The following DPYD variants were observed in gnomAD, a reference collection of about 807,000 sequenced individuals.
The protein encoded by DPYD is dihydropyrimidine dehydrogenase, also known as dihydropyrimidine dehydrogenase [NADP(+)].
Under a neutral mutation model 116.2 loss-of-function variants are expected in DPYD, and 109 were observed. The observed-to-expected ratio is 0.94, with a 90% confidence interval of 0.80 to 1.10. The LOEUF is 1.10. Ranked by LOEUF, DPYD falls within the 50% of genes least tolerant of loss-of-function variation. The pLI, the probability that DPYD is intolerant of heterozygous loss-of-function variation, is 0.00. For synonymous variants in DPYD, 440 were observed against 432.0 expected, an observed-to-expected ratio of 1.02 and a Z score of -0.23; for missense variants, 1,302 against 1,254.5, an observed-to-expected ratio of 1.04 and a Z score of -0.57.
intron 3 of DPYD, among the ~76,000 whole-genome samples, chr1:97,755,483 T>A (rs143671599): frequency 6.6e-6 from 1 of 152,160 alleles, no homozygotes; most frequent in Non-Finnish European, 1.5e-5. Flanking sequence ...CATGTAAGCA[T>A]GTTTTGTCTC....
intron 12 of DPYD, among the ~76,000 whole-genome samples, chr1:97,526,519 T>G (rs1649110793): frequency 6.6e-6 from 1 of 152,168 alleles, no homozygotes; most frequent in South Asian, 2.1e-4. Flanking sequence ...TTTAAAAATA[T>G]TTTAAAAATC....
chr1:97,403,019 T>C (rs1350112648), intron 14 of DPYD, among the ~76,000 whole-genome samples: 1 of 152,094 alleles, frequency 6.6e-6, no homozygotes, highest in Non-Finnish European at 1.5e-5. Context: ...TTGCTAATAT[T>C]TTGTTGAGCA....
At chr1:97,787,684 C>T (rs921941060) in intron 3 of DPYD, among the ~76,000 whole-genome samples, 4 of 152,082 alleles carry the variant, frequency 2.6e-5, no homozygotes, top group Non-Finnish European at 5.9e-5. Flanking sequence ...TCTGAACAAA[C>T]AGAAGTTCCG....
chr1:97,125,729 C>A (rs183871109), intron 20 of DPYD, among the ~76,000 whole-genome samples: 2 of 152,132 alleles, frequency 1.3e-5, no homozygotes, highest in African/African-American at 2.4e-5. Flanking sequence ...CTTAGAAAGA[C>A]CCCTTCCTCT....
At position 97,921,000 on chromosome 1, in the gene DPYD, C is replaced by G; in HGVS notation, c.-78G>C. On this transcript the variant is annotated 5_prime_UTR_variant, in exon 1 of 23. Coordinates refer to ENST00000370192, the MANE Select transcript of DPYD (RefSeq NM_000110.4). ...AAGCTCCAGCCAGAGAGCCAAGTGA[C>G]AGCAGCCGGAGCGCGAGTCGAAAAC... 1 of 1,533,076 alleles carries G rather than the reference C, an allele frequency of 6.5e-7. No homozygotes were observed. Among genetic ancestry groups the G allele is most frequent in the Non-Finnish European group, 8.8e-7 (1 of 1,131,228 alleles). The allele number at this position is 1,533,076 out of a possible 1,614,324, so 95.0% of individuals were successfully genotyped here. A position where few individuals can be genotyped will look rare whatever the true frequency, so the allele number is the denominator to read the frequency against.
At chr1:97,865,372 G>A (rs1671325591) in intron 2 of DPYD, among the ~76,000 whole-genome samples, 2 of 151,728 alleles carry the variant, frequency 1.3e-5, no homozygotes, top group African/African-American at 4.8e-5. Context: ...AATATCTCTG[G>A]GGATATTTGA....
intron 14 of DPYD, among the ~76,000 whole-genome samples, chr1:97,419,166 C>A (rs1674443999): frequency 6.6e-6 from 1 of 152,204 alleles, no homozygotes. Context: ...CTTCCCAAAT[C>A]TCTACCTCCT....
chr1:97,771,343 C>T (rs77353809), intron 3 of DPYD, among the ~76,000 whole-genome samples: 2,709 of 152,234 alleles, frequency 0.018, 85 homozygotes, highest in African/African-American at 0.062. Flanking sequence ...GCGGCTGCAT[C>T]AACTTCAATG....
intron 3 of DPYD, among the ~76,000 whole-genome samples, chr1:97,789,297 G>A (rs1557962967): frequency 6.6e-6 from 1 of 152,120 alleles, no homozygotes; most frequent in African/African-American, 2.4e-5. Flanking sequence ...ACATATTTCA[G>A]AAGCAAATAT....
chr1:97,695,043 G>T (rs1661217920), intron 6 of DPYD, among the ~76,000 whole-genome samples: 1 of 152,132 alleles, frequency 6.6e-6, no homozygotes, highest in Non-Finnish European at 1.5e-5. Context: ...TTCAGCTACA[G>T]GCATTCCTCA....
intron 14 of DPYD, among the ~76,000 whole-genome samples, chr1:97,393,667 C>A (rs9725886): frequency 0.19 from 29,113 of 151,896 alleles, 2,950 homozygotes; most frequent in South Asian, 0.38. Flanking sequence ...TGTATATGTT[C>A]CACATTTTCT....
intron 8 of DPYD, among the ~76,000 whole-genome samples, chr1:97,643,458 G>A (rs1408856418): frequency 6.6e-6 from 1 of 152,152 alleles, no homozygotes; most frequent in Non-Finnish European, 1.5e-5. Context: ...AGGATGTGGA[G>A]AAATAGGAAC....
Position 97,421,931 on chromosome 1 carries a change from C to T in DPYD, c.1905+28128G>A, listed in dbSNP as rs144033363. 2.0e-5 allele frequency among the ~76,000 whole-genome samples: 3 copies of T among 152,234 alleles called. No homozygotes were observed. In the East Asian group the frequency reaches 5.8e-4, roughly 29 times the overall value. On this transcript the variant is annotated intron_variant, in intron 14 of 22. Coordinates refer to ENST00000370192, the MANE Select transcript of DPYD (RefSeq NM_000110.4). Reference sequence around the variant, plus strand: ...GTGAAATAGTCAGGCATATAAAGCGCTAGCCCCTGAGGATGGGAGCACAGA... The same window carrying T: ...GTGAAATAGTCAGGCATATAAAGCGTTAGCCCCTGAGGATGGGAGCACAGA...
At chr1:97,483,660 A>T (rs556081540) in intron 13 of DPYD, among the ~76,000 whole-genome samples, 12 of 152,136 alleles carry the variant, frequency 7.9e-5, no homozygotes, top group Admixed American at 6.5e-5. Context: ...AAAAAAATTT[A>T]AAAAAAGAGA....
chr1:97,485,163 T>C (rs1678549254), intron 13 of DPYD, among the ~76,000 whole-genome samples: 1 of 152,138 alleles, frequency 6.6e-6, no homozygotes, highest in Non-Finnish European at 1.5e-5. Context: ...GGATCTTCCC[T>C]ATTTTGTTTA....
chr1:97,567,348 C>T (rs957930993), intron 11 of DPYD, among the ~76,000 whole-genome samples: 2 of 152,048 alleles, frequency 1.3e-5, no homozygotes, highest in African/African-American at 2.4e-5. Context: ...CAAACACTCC[C>T]TTATGGAACT....
rs2102182233 is a variant in DPYD at position 97,573,771 on chromosome 1, C to T, written c.1328G>A (p.Ser443Asn). The change falls in exon 11 of 23, where the codon AGT becomes AAT. Residue 443 changes from serine to asparagine, a missense_variant. By Grantham distance (46) the Ser-to-Asn change is conservative (BLOSUM62 1). Transcript: ENST00000370192. ...TCCCAGCACTGTACCTTTAGGATCA[C>T]TCAGAACTGAACCAAAGGCACTGAT... ...VVISAFGSVLSDPKVKEALSP... is the reference protein window; with the variant it reads ...VVISAFGSVLNDPKVKEALSP... 1.9e-6 allele frequency: 3 copies of T among 1,613,588 alleles called. No individual in the cohort carries two copies. Among genetic ancestry groups the T allele is most frequent in the Non-Finnish European group, 2.5e-6 (3 of 1,179,572 alleles).
At chr1:97,116,745 G>A (rs773433020) in intron 20 of DPYD, among the ~76,000 whole-genome samples, 1 of 151,984 alleles carries the variant, frequency 6.6e-6, no homozygotes. Context: ...ATTTACTATG[G>A]AAATGGGTAG....
intron 8 of DPYD, among the ~76,000 whole-genome samples, chr1:97,642,411 A>G (rs1571113857): frequency 1.3e-5 from 2 of 152,248 alleles, no homozygotes; most frequent in Non-Finnish European, 2.9e-5. Context: ...CCAATGGAAC[A>G]GAACAGAGGC....
Sources: allele counts gnomAD v4.1 joint callset (sites outside exome capture counted in the v4.1 genomes callset), GRCh38; gene constraint gnomAD v4.1.1; transcripts MANE v1.5; gene names NCBI Gene and HGNC (gene_info 2026-07-23, HGNC 2026-07-21).